The following PHACTR1 variants were observed in gnomAD, a reference collection of about 807,000 sequenced individuals.
The protein encoded by PHACTR1 is phosphatase and actin regulator 1.
Under a neutral mutation model 69.2 loss-of-function variants are expected in PHACTR1, and 16 were observed. The ratio of observed to expected loss-of-function variants is 0.23; its 90% CI spans 0.16 to 0.35. PHACTR1 has a LOEUF of 0.35. Ranked by LOEUF, PHACTR1 falls within the 10% of genes least tolerant of loss-of-function variation. PHACTR1 has a pLI of 1.00. For missense variants in PHACTR1, 510 were observed against 734.7 expected (o/e 0.69, Z 3.54); for synonymous variants, 312 against 284.5 (o/e 1.10, Z -0.97).
At chr6:13,131,627 T>A (rs1248237195) in intron 5 of PHACTR1, among the ~76,000 whole-genome samples, 1 of 151,670 alleles carries the variant, frequency 6.6e-6, no homozygotes, top group Non-Finnish European at 1.5e-5. Flanking sequence ...CTCAATAAGT[T>A]AAGAGCAATG....
At chr6:13,095,749 C>G (rs1450820308) in intron 5 of PHACTR1, among the ~76,000 whole-genome samples, 9 of 77,210 alleles carry the variant, frequency 1.2e-4, no homozygotes, top group African/African-American at 3.6e-4. Context: ...TTGTGAAGGG[C>G]TTTTTTTTTT....
chr6:12,810,660 G>A (rs1051869136), intron 4 of PHACTR1, among the ~76,000 whole-genome samples: 1 of 152,180 alleles, frequency 6.6e-6, no homozygotes, highest in Non-Finnish European at 1.5e-5. Flanking sequence ...ATAGCCACCA[G>A]GTAGTGACTG....
intron 12 of PHACTR1, chr6:13,280,210 C>G (rs1002805817): frequency 8.5e-5 from 13 of 152,238 alleles, no homozygotes; most frequent in African/African-American, 2.9e-4. Flanking sequence ...CCAAATAGTT[C>G]ATAGGTTTTG....
intron 12 of PHACTR1, among the ~76,000 whole-genome samples, chr6:13,281,932 CT>C (rs780515628): frequency 5.3e-5 from 8 of 152,246 alleles, no homozygotes; most frequent in Non-Finnish European, 7.3e-5. Flanking sequence ...GGCTGAGCCC[CT>C]GATCCCCAGA....
chr6:12,966,968 T>C (rs557499818), intron 4 of PHACTR1, among the ~76,000 whole-genome samples: 1 of 152,338 alleles, frequency 6.6e-6, no homozygotes, highest in Non-Finnish European at 1.5e-5. Flanking sequence ...TTACATTTCA[T>C]CTCTGATATG....
Position 12,974,078 on chromosome 6 carries a change from C to G in PHACTR1, c.251-79287C>G, listed in dbSNP as rs563584705. 2.0e-5 allele frequency among the ~76,000 whole-genome samples: 3 copies of G among 151,954 alleles called. No individual in the cohort carries two copies. The East Asian group carries it at 5.8e-4, about 29-fold the overall frequency. On this transcript the variant is annotated intron_variant, in intron 4 of 14. Transcript: ENST00000332995. ...CTGGAACAACAGGCATGCGCCACCA[C>G]GCCCGGCTAATTTTTGTATTTTTAG...
chr6:13,223,987 T>G (rs1039707723), intron 8 of PHACTR1, among the ~76,000 whole-genome samples: 4 of 152,058 alleles, frequency 2.6e-5, no homozygotes, highest in Admixed American at 2.6e-4. Flanking sequence ...CCCTGAAAAT[T>G]AAAAAAAACC....
At chr6:13,100,653 C>G (rs948560605) in intron 5 of PHACTR1, among the ~76,000 whole-genome samples, 1 of 152,174 alleles carries the variant, frequency 6.6e-6, no homozygotes, top group Non-Finnish European at 1.5e-5. Context: ...AGCATGATTA[C>G]CCTCACCAAA....
chr6:12,813,818 G>A (rs546090091), intron 4 of PHACTR1, among the ~76,000 whole-genome samples: 1 of 152,304 alleles, frequency 6.6e-6, no homozygotes, highest in South Asian at 2.1e-4. Flanking sequence ...TCAGAGCCTT[G>A]CCACTCCGAG....
At chr6:13,226,130 C>G (rs1173631162) in intron 8 of PHACTR1, among the ~76,000 whole-genome samples, 3 of 152,182 alleles carry the variant, frequency 2.0e-5, no homozygotes, top group Non-Finnish European at 4.4e-5. Flanking sequence ...GTGATTTAAT[C>G]CTATTCAGTA....
At position 12,735,759 on chromosome 6, in the gene PHACTR1, A is replaced by C. The variant is rs748060933; in HGVS notation, c.104-13885A>C. On this transcript the variant is annotated intron_variant, in intron 3 of 14. Transcript: ENST00000332995. ...GTTACAGGAAACAGGGCTGGCTTCCATCTCTTTGGGAGCTACATCCTTCAA... is the reference window on the plus strand; with the variant it reads ...GTTACAGGAAACAGGGCTGGCTTCCCTCTCTTTGGGAGCTACATCCTTCAA... Among the ~76,000 whole-genome samples, 3 of 152,246 alleles carry C rather than the reference A, an allele frequency of 2.0e-5. No individual in the cohort carries two copies. The East Asian group carries it at 5.8e-4, about 29-fold the overall frequency.
intron 5 of PHACTR1, among the ~76,000 whole-genome samples, chr6:13,115,015 A>T (rs1817606145): frequency 6.6e-6 from 1 of 152,170 alleles, no homozygotes. Context: ...ATGTAAGGTC[A>T]CTTAGTGACT....
chr6:12,916,161 A>G (rs9472955), intron 4 of PHACTR1, among the ~76,000 whole-genome samples: 1,981 of 152,186 alleles, frequency 0.013, 47 homozygotes, highest in African/African-American at 0.045. Context: ...AACGAAACAA[A>G]ACCACCCTCC....
chr6:12,847,946 G>A (rs1318441949), intron 4 of PHACTR1, among the ~76,000 whole-genome samples: 3 of 152,088 alleles, frequency 2.0e-5, no homozygotes, highest in African/African-American at 7.2e-5. Context: ...ACTATTTCCG[G>A]TATATTATCT....
chr6:13,066,628 C>T (rs1168711929), intron 5 of PHACTR1, among the ~76,000 whole-genome samples: 1 of 152,110 alleles, frequency 6.6e-6, no homozygotes, highest in Admixed American at 6.5e-5. Context: ...TCTCTTATGG[C>T]TTGGGGATTG....
intron 5 of PHACTR1, among the ~76,000 whole-genome samples, chr6:13,147,758 C>T (rs1369123600): frequency 6.6e-6 from 1 of 151,950 alleles, no homozygotes; most frequent in Non-Finnish European, 1.5e-5. Context: ...TGCAATAGTA[C>T]AAAGAAGCAG....
intron 3 of PHACTR1, among the ~76,000 whole-genome samples, chr6:12,745,169 A>T (rs1331398001): frequency 6.6e-6 from 1 of 152,196 alleles, no homozygotes; most frequent in Non-Finnish European, 1.5e-5. Flanking sequence ...GGGATGGAAT[A>T]TCACATCCTT....
At chr6:13,023,037 A>G (rs2127672102) in intron 4 of PHACTR1, among the ~76,000 whole-genome samples, 1 of 149,764 alleles carries the variant, frequency 6.7e-6, no homozygotes, top group East Asian at 1.9e-4. Flanking sequence ...TAATAATAAT[A>G]ATAAAAATAA....
chr6:12,980,214 A>ATGTG (rs1411378311), intron 4 of PHACTR1, among the ~76,000 whole-genome samples: 1 of 152,174 alleles, frequency 6.6e-6, no homozygotes, highest in Non-Finnish European at 1.5e-5. Flanking sequence ...AGCATGGAGT[A>ATGTG]TGTGTGTATG....
Sources: gnomAD v4.1 joint callset for allele counts (sites outside exome capture counted in the v4.1 genomes callset) on GRCh38, gnomAD v4.1.1 for gene constraint, MANE v1.5 for transcripts, NCBI Gene and HGNC (gene_info 2026-07-23, HGNC 2026-07-21) for gene names.